The following FGD6 variants were observed in gnomAD, a reference collection of about 807,000 sequenced individuals.
FGD6 encodes the protein FYVE, RhoGEF and PH domain-containing protein 6.
A neutral mutation model predicts 149.4 loss-of-function variants in FGD6; 90 were observed. The ratio of observed to expected loss-of-function variants is 0.60; its 90% confidence interval spans 0.51 to 0.72. FGD6 has a LOEUF of 0.72. Ranked by LOEUF, FGD6 falls within the 30% of genes least tolerant of loss-of-function variation. The pLI is 0.00. For missense variants in FGD6, 1,437 were observed against 1,684.8 expected, an observed-to-expected ratio of 0.85 and a Z score of 2.57; for synonymous variants, 527 against 584.0, an observed-to-expected ratio of 0.90 and a Z score of 1.41.
chr12:95,175,960 C>A (rs899155813), intron 2 of FGD6, among the ~76,000 whole-genome samples: 1 of 151,946 alleles, frequency 6.6e-6, no homozygotes. Flanking sequence ...AACAAGGGAG[C>A]AGATTTTAAA....
chr12:95,104,441 A>T (rs1404016907), intron 14 of FGD6, among the ~76,000 whole-genome samples: 1 of 151,928 alleles, frequency 6.6e-6, no homozygotes, highest in Middle Eastern at 3.4e-3. Flanking sequence ...TCTAAAAAAA[A>T]AATTTTTTTT....
In FGD6 at chr12:95,209,214, T is replaced by C. The variant is rs770965682; in HGVS notation, c.2070A>G (p.Ala690=). The C allele has an allele frequency of 6.2e-7, 1 of 1,614,124 alleles. No individual in the cohort carries two copies. Among genetic ancestry groups the C allele is most frequent in the Non-Finnish European group, 8.5e-7 (1 of 1,180,020 alleles). ...CCAGGCTATAGTTTTCTGTGGAATA[T>C]GCCTTGATGGGTTTACTTCTCTTCT... The part of the protein sequence containing the change: ...GEEKRSKPIK[A]YSTENYSLES... Residue 690 remains alanine (A), a synonymous_variant, in exon 2 of 21, where the codon GCA becomes GCG. Transcript: ENST00000343958.
At chr12:95,176,687 T>C (rs1458831906) in intron 2 of FGD6, among the ~76,000 whole-genome samples, 1 of 152,214 alleles carries the variant, frequency 6.6e-6, no homozygotes, top group Non-Finnish European at 1.5e-5. Context: ...TTTTAAAAGT[T>C]ATTTTTTTCT....
intron 8 of FGD6, 100 bp downstream of exon 8, chr12:95,134,639 G>T: frequency 2.1e-6 from 2 of 948,282 alleles, no homozygotes; most frequent in Non-Finnish European, 1.7e-6. Context: ...TGGTGACGGG[G>T]GTGATATACA....
In FGD6 at chr12:95,081,637, G is replaced by A. The variant is rs571525261; in HGVS notation, c.4257-81C>T. 30 of 844,826 alleles carry A rather than the reference G, an allele frequency of 3.6e-5. 1 individual carries two copies. Among genetic ancestry groups the A allele is most frequent in the Non-Finnish European group, 5.5e-5 (30 of 543,450 alleles). 52.3% of individuals were successfully genotyped at this position (844,826 alleles called of 1,614,324 possible). A position where few individuals can be genotyped will look rare whatever the true frequency, so the allele number is the denominator to read the frequency against. On this transcript the variant is annotated intron_variant, in intron 20 of 20. Coordinates refer to ENST00000343958, the MANE Select transcript of FGD6 (RefSeq NM_018351.4). Reference sequence around the variant, plus strand: ...CACCATATAGATGACAGCTGGGCCTGTGGTCCTCATTACCATAACAACATA... The same window carrying A: ...CACCATATAGATGACAGCTGGGCCTATGGTCCTCATTACCATAACAACATA...
intron 3 of FGD6, among the ~76,000 whole-genome samples, chr12:95,153,564 G>A (rs917350536): frequency 6.6e-6 from 1 of 152,126 alleles, no homozygotes; most frequent in Non-Finnish European, 1.5e-5. Context: ...GGGAGTCTGA[G>A]GCAGGAGAAT....
intron 2 of FGD6, among the ~76,000 whole-genome samples, chr12:95,185,644 T>G (rs541122003): frequency 1.3e-5 from 2 of 152,138 alleles, no homozygotes; most frequent in Non-Finnish European, 2.9e-5. Flanking sequence ...AGGAGGATCA[T>G]GAGGTCAGGA....
chr12:95,206,612 G>A (rs2056693973), intron 2 of FGD6, among the ~76,000 whole-genome samples: 1 of 151,662 alleles, frequency 6.6e-6, no homozygotes, highest in South Asian at 2.1e-4. Flanking sequence ...GGGATCACTT[G>A]AGCCCAGGAG....
chr12:95,129,956 G>A (rs1419351467), intron 8 of FGD6, among the ~76,000 whole-genome samples: 1 of 152,138 alleles, frequency 6.6e-6, no homozygotes, highest in Non-Finnish European at 1.5e-5. Flanking sequence ...TTACAGGCGT[G>A]AGCCATCATG....
chr12:95,169,878 T>C (rs1359373408), intron 3 of FGD6, among the ~76,000 whole-genome samples: 1 of 152,130 alleles, frequency 6.6e-6, no homozygotes, highest in African/African-American at 2.4e-5. Context: ...CCCAGCACTT[T>C]GGGAGGCTGA....
At chr12:95,216,151 G>C (rs2056771108) in intron 1 of FGD6, among the ~76,000 whole-genome samples, 1 of 152,136 alleles carries the variant, frequency 6.6e-6, no homozygotes, top group Admixed American at 6.5e-5. Flanking sequence ...TGATCACAGG[G>C]AGCAATGCAA....
intron 2 of FGD6, among the ~76,000 whole-genome samples, chr12:95,202,899 T>TA (rs1384986329): frequency 2.6e-5 from 4 of 152,200 alleles, no homozygotes; most frequent in Non-Finnish European, 5.9e-5. Flanking sequence ...GAAAATAACT[T>TA]ACAGGAAAGG....
chr12:95,154,966 A>G (rs1880424210), intron 3 of FGD6, among the ~76,000 whole-genome samples: 3 of 152,094 alleles, frequency 2.0e-5, no homozygotes, highest in African/African-American at 2.4e-5. Context: ...AAGTTTCCAC[A>G]TACAACACTG....
At chr12:95,212,944 G>C (rs1326352057) in intron 1 of FGD6, among the ~76,000 whole-genome samples, 1 of 152,032 alleles carries the variant, frequency 6.6e-6, no homozygotes, top group Non-Finnish European at 1.5e-5. Flanking sequence ...CAATTTCTAG[G>C]TATAATGTCA....
chr12:95,180,119 T>C (rs543091839), intron 2 of FGD6, among the ~76,000 whole-genome samples: 61 of 149,680 alleles, frequency 4.1e-4, no homozygotes, highest in African/African-American at 1.4e-3. Context: ...CACAGTGGCA[T>C]AGATCATTCT....
chr12:95,165,568 C>T (rs948981584), intron 3 of FGD6, among the ~76,000 whole-genome samples: 11 of 151,446 alleles, frequency 7.3e-5, no homozygotes, highest in African/African-American at 2.7e-4. Flanking sequence ...GAACTCCCGA[C>T]CTCAGGTGAT....
intron 14 of FGD6, 76 bp from the exon 15 acceptor site, chr12:95,094,770 T>A: frequency 2.8e-6 from 3 of 1,065,886 alleles, no homozygotes; most frequent in Non-Finnish European, 4.3e-6. Flanking sequence ...CTTTCTCCCA[T>A]GGCAACAGAT....
rs553404810 is a variant in FGD6, at chr12:95,164,872, T to A, written c.2586+7728A>T. Among the ~76,000 whole-genome samples the A allele has an allele frequency of 7.2e-5, 11 of 152,238 alleles. No homozygotes were observed. The South Asian group carries it at 2.3e-3, about 32-fold the overall frequency. ...AAGTTATTTCAAAAATGAGGTGACATCATGATTAATCTCTAAACAATGCTC... is the reference window on the plus strand; with the variant it reads ...AAGTTATTTCAAAAATGAGGTGACAACATGATTAATCTCTAAACAATGCTC... On this transcript the variant is annotated intron_variant, in intron 3 of 20. Coordinates refer to ENST00000343958, the MANE Select transcript of FGD6 (RefSeq NM_018351.4).
At chr12:95,204,871 C>A (rs568330711) in intron 2 of FGD6, among the ~76,000 whole-genome samples, 179 of 152,104 alleles carry the variant, frequency 1.2e-3, no homozygotes, top group Non-Finnish European at 2.2e-3. Context: ...GGGAAATACA[C>A]TCTGAGTTCC....
Sources: gnomAD v4.1 joint callset for allele counts (sites outside exome capture counted in the v4.1 genomes callset) on GRCh38, gnomAD v4.1.1 for gene constraint, MANE v1.5 for transcripts, NCBI Gene and HGNC (gene_info 2026-07-23, HGNC 2026-07-21) for gene names.